SLC44A4: variants seen among roughly 807,000 people sequenced by gnomAD.
SLC44A4 encodes the protein solute carrier family 44 member 4, also known as choline transporter-like protein 4.
A neutral mutation model predicts 97.0 loss-of-function variants in SLC44A4; 74 were observed. That is an observed-to-expected ratio of 0.76 (90% confidence interval 0.63 to 0.93). The LOEUF is 0.93. Among genes scored for constraint, SLC44A4 ranks in the 40% least tolerant of loss-of-function variants. The probability of loss-of-function intolerance (pLI) is 0.00; values close to 1 mark genes in which losing one functional copy is unlikely to be tolerated. For synonymous variants in SLC44A4, 325 were observed against 363.8 expected (o/e 0.89, Z 1.21); for missense variants, 799 against 902.9 (o/e 0.88, Z 1.48).
Position 31,863,757 on chromosome 6 carries a change from C to T in SLC44A4, c.2012-9G>A, listed in dbSNP as rs1488387146. On this transcript the variant is annotated splice_polypyrimidine_tract_variant and intron_variant, in intron 20 of 20. Transcript: ENST00000229729. Reference sequence around the variant, plus strand: ...CCGCTCCAGGTCTTCCACTGAGCCGCAACAGAGACCGGTTAGAGCGGACCC... The same window carrying T: ...CCGCTCCAGGTCTTCCACTGAGCCGTAACAGAGACCGGTTAGAGCGGACCC... The T allele has an allele frequency of 6.2e-7, 1 of 1,612,284 alleles. No individual in the cohort carries two copies. Among genetic ancestry groups the T allele is most frequent in the African/African-American group, 1.3e-5 (1 of 74,848 alleles).
Position 31,871,326 on chromosome 6 carries a change from T to A in SLC44A4, c.689A>T (p.Tyr230Phe), listed in dbSNP as rs140850561. ...KIFEDFAQSWYWILVALGVAL... is the reference protein window; with the variant it reads ...KIFEDFAQSWFWILVALGVAL... ...TCTGGTGACTCACACAAGAATCCAA[T>A]ACCAGGACTGGGCAAAATCTTCAAA... is the stretch of plus-strand genomic sequence containing the variant. The change falls in exon 9 of 21, where the codon TAT becomes TTT. Residue 230 changes from tyrosine to phenylalanine, a missense_variant. Tyr to Phe is a conservative substitution (Grantham distance 22, BLOSUM62 3). Transcript: ENST00000229729. 5.7e-5 allele frequency: 92 copies of A among 1,613,884 alleles called. No homozygotes were observed. In the African/African-American group the frequency reaches 1.1e-3, roughly 20 times the overall value.
In SLC44A4 at chr6:31,865,972, C is replaced by T. The variant is rs764044578; in HGVS notation, c.1388G>A (p.Cys463Tyr). 1.9e-6 allele frequency: 3 copies of T among 1,614,246 alleles called. No homozygotes were observed. In the Admixed American group the frequency reaches 5.0e-5, roughly 27 times the overall value. ...TLNWVLALGQ[C>Y]VLAGAFASFY... is the part of the protein sequence containing the mutation. ...GGAGGCAAAGGCTCCAGCGAGGACG[C>T]ATTGGCCCAGGGCCAGTACCCAGTT... is the stretch of plus-strand genomic sequence containing the variant. Residue 463 changes from cysteine to tyrosine, a missense_variant, in exon 14 of 21, where the codon TGC becomes TAC. By Grantham distance (194) the Cys-to-Tyr change is radical. Transcript: ENST00000229729. The surrounding 1 kb of genome is among the most constrained non-coding windows in gnomAD (Gnocchi z 5.2).
In SLC44A4 at chr6:31,869,172, T is replaced by C. The variant is rs781594628; in HGVS notation, c.1216A>G (p.Thr406Ala). The change falls in exon 13 of 21, where the codon ACA becomes GCA. Residue 406 changes from threonine (T) to alanine (A), a missense_variant. By Grantham distance (58) the Thr-to-Ala change is moderately conservative. Transcript: ENST00000229729. ...SPGCEKVPIN[T>A]SCNPTAHLVN... Reference sequence around the variant, plus strand: ...CCTCTTACCGTGGGGTTGCATGATGTATTTATTGGCACTTTCTCACAGCCG... The same window carrying C: ...CCTCTTACCGTGGGGTTGCATGATGCATTTATTGGCACTTTCTCACAGCCG... The C allele has an allele frequency of 6.8e-6, 11 of 1,609,288 alleles. No individual in the cohort carries two copies. The highest frequency in any genetic ancestry group is 1.7e-5 in the Admixed American group (1 of 59,536).
intron 13 of SLC44A4, among the ~76,000 whole-genome samples, chr6:31,867,856 C>T (rs1216279308): frequency 1.3e-5 from 2 of 150,026 alleles, no homozygotes; most frequent in Non-Finnish European, 3.0e-5. Flanking sequence ...GGAGTCTCGC[C>T]GCCCAGGCTG....
rs372164533 is a variant in SLC44A4 at position 31,876,142 on chromosome 6, C to T, written c.90-13G>A. On this transcript the variant is annotated splice_polypyrimidine_tract_variant and intron_variant, in intron 2 of 20. Transcript: ENST00000229729. This position sits in a 1 kb window ranked among gnomAD's most constrained non-coding sequence, Gnocchi z 4.8. ...ATCTGTGCAGCTTCTGAGAGAGAAA[C>T]GAAACGGGAGGCTGAGCTAAGGAGA... The T allele has an allele frequency of 3.5e-5, 57 of 1,608,878 alleles. No homozygotes were observed. The African/African-American group carries it at 4.0e-4, about 11-fold the overall frequency.
At chr6:31,871,210 C>T in intron 9 of SLC44A4, 104 bp downstream of exon 9, 1 of 1,340,120 alleles carries the variant, frequency 7.5e-7, no homozygotes, top group Non-Finnish European at 1.1e-6. Flanking sequence ...GCTCTGGCTC[C>T]TCCTCCTCTG....
At chr6:31,870,285 G>A (rs1009454403) in intron 11 of SLC44A4, among the ~76,000 whole-genome samples, 1 of 152,066 alleles carries the variant, frequency 6.6e-6, no homozygotes, top group Non-Finnish European at 1.5e-5. Context: ...GTTCCTGATC[G>A]GGAGCAAGCT....
chr6:31,872,480 C>T (rs1244918157), intron 7 of SLC44A4, among the ~76,000 whole-genome samples: 1 of 152,098 alleles, frequency 6.6e-6, no homozygotes, highest in East Asian at 1.9e-4. Context: ...AAGCAATCCT[C>T]CCACCTCAGC....
At position 31,870,830 on chromosome 6, in the gene SLC44A4, C is replaced by T. The variant is rs1276892548; in HGVS notation, c.919G>A (p.Glu307Lys). Residue 307 changes from glutamate (E) to lysine (K), a missense_variant, in exon 10 of 21, where the codon GAG (glutamate) becomes AAG (lysine). Glu to Lys is a moderately conservative substitution (Grantham distance 56). This residue lies in a region of SLC44A4 where 409 missense variants were observed against 434.1 expected (regional missense o/e 0.94). Coordinates refer to ENST00000229729, the MANE Select transcript of SLC44A4 (RefSeq NM_025257.3). ...TNLSAYQSVQ[E>K]TWLAALIVLA... is the part of the protein sequence containing the mutation. Reference sequence around the variant, plus strand: ...CACTCACGGGCGGCCAGCCAGGTCTCCTGCACGCTCTGGTAGGCACTGAGG... The same window carrying T: ...CACTCACGGGCGGCCAGCCAGGTCTTCTGCACGCTCTGGTAGGCACTGAGG... 15 of 1,613,036 alleles carry T rather than the reference C, an allele frequency of 9.3e-6. No homozygotes were observed. Among genetic ancestry groups the T allele is most frequent in the Non-Finnish European group, 1.3e-5 (15 of 1,179,998 alleles).
At position 31,877,066 on chromosome 6, in the gene SLC44A4, G is replaced by A. The variant is rs1398487523; in HGVS notation, c.57C>T (p.Tyr19=). The A allele has an allele frequency of 8.1e-6, 13 of 1,610,194 alleles. No homozygotes were observed. Among genetic ancestry groups the A allele is most frequent in the East Asian group, 2.2e-5 (1 of 44,854 alleles). Residue 19 remains tyrosine, a synonymous_variant, in exon 2 of 21, where the codon TAC becomes TAT. Transcript: ENST00000229729. This position sits in a 1 kb window ranked among gnomAD's most constrained non-coding sequence, Gnocchi z 6.5. ...TGATGGGGCCTCGAAAGGAGGGGTC[G>A]TATTTGACTGGCTTCCCTGAGGGAC... ...DDEAYGKPVK[Y]DPSFRGPIKN... is the part of the protein sequence containing the mutation.
chr6:31,877,012 C>T lies in SLC44A4; in HGVS notation c.89+22G>A, dbSNP rs374911492. ...TGCACCCACCACCCCCGCCAGCCCCCGGAGCAGTGCCCAGAGCTCACCTGT... is the reference window on the plus strand; with the variant it reads ...TGCACCCACCACCCCCGCCAGCCCCTGGAGCAGTGCCCAGAGCTCACCTGT... On this transcript the variant is annotated intron_variant, in intron 2 of 20. Transcript: ENST00000229729. This position sits in a 1 kb window ranked among gnomAD's most constrained non-coding sequence, Gnocchi z 6.5. 3.5e-5 allele frequency: 56 copies of T among 1,603,494 alleles called. No individual in the cohort carries two copies. The highest frequency in any genetic ancestry group is 4.4e-5 in the Non-Finnish European group (52 of 1,176,134).
Position 31,878,970 on chromosome 6 carries a change from T to C in SLC44A4, c.11A>G (p.Lys4Arg). 1.2e-6 allele frequency: 2 copies of C among 1,613,704 alleles called. No homozygotes were observed. The highest frequency in any genetic ancestry group is 8.5e-7 in the Non-Finnish European group (1 of 1,179,928). The change falls in exon 1 of 21, where the codon AAG (lysine) becomes AGG (arginine). Residue 4 changes from lysine to arginine, a missense_variant. This residue lies in a region of SLC44A4 where 409 missense variants were observed against 434.1 expected (regional missense o/e 0.94). Coordinates refer to ENST00000229729, the MANE Select transcript of SLC44A4 (RefSeq NM_025257.3). The surrounding 1 kb of genome is among the most constrained non-coding windows in gnomAD (Gnocchi z 4.0). ...GGCCTCGTCATCCTCGTCCCGCTGC[T>C]TTCCCCCCATGGCTCAGTCTCCGGA... MGG[K>R]QRDEDDEAYG... is the part of the protein sequence containing the mutation.
At chr6:31,864,351 C>G in intron 20 of SLC44A4, 1 of 503,626 alleles carries the variant, frequency 2.0e-6, no homozygotes, top group South Asian at 2.4e-5. Flanking sequence ...GCTGGCATGA[C>G]AGGCGTGAGC....
At chr6:31,875,748 C>T in intron 4 of SLC44A4, 104 bp downstream of exon 4, 1 of 1,032,948 alleles carries the variant, frequency 9.7e-7, no homozygotes, top group Non-Finnish European at 1.4e-6. Flanking sequence ...CAGGGAAAGG[C>T]TGTGGAAGAG....
In SLC44A4 at chr6:31,875,890, C is replaced by G. The variant is rs773215154; in HGVS notation, c.204G>C (p.Arg68Ser). Reference sequence around the variant, plus strand: ...TGCCACAGTAGGCCCCAGTAGAGTTCCTGGGGTAGAGGACTTGCCGGGGGT... The same window carrying G: ...TGCCACAGTAGGCCCCAGTAGAGTTGCTGGGGTAGAGGACTTGCCGGGGGT... ...YGDPRQVLYP[R>S]NSTGAYCGMG... The change falls in exon 4 of 21, where the codon AGG (arginine) becomes AGC (serine). Residue 68 changes from arginine to serine, a missense_variant. This residue lies in a region of SLC44A4 where 409 missense variants were observed against 434.1 expected (regional missense o/e 0.94). Transcript: ENST00000229729. 28 of 1,613,474 alleles carry G rather than the reference C, an allele frequency of 1.7e-5. No individual in the cohort carries two copies. In the East Asian group the frequency reaches 6.2e-4, roughly 36 times the overall value.
At chr6:31,868,767 G>T (rs1762989658) in intron 13 of SLC44A4, among the ~76,000 whole-genome samples, 1 of 151,714 alleles carries the variant, frequency 6.6e-6, no homozygotes, top group Non-Finnish European at 1.5e-5. Flanking sequence ...CTGCACTCCA[G>T]CCTGGGCAAC....
rs758008624 is a variant in SLC44A4 at position 31,874,953 on chromosome 6, G to A, written c.318C>T (p.Asn106=). 43 of 1,613,598 alleles carry A rather than the reference G, an allele frequency of 2.7e-5. No homozygotes were observed. The highest frequency in any genetic ancestry group is 1.3e-4 in the South Asian group (12 of 91,086). Residue 106 remains asparagine (N), a synonymous_variant, in exon 5 of 21, where the codon AAC becomes AAT. Coordinates refer to ENST00000229729, the MANE Select transcript of SLC44A4 (RefSeq NM_025257.3). The surrounding 1 kb of genome is among the most constrained non-coding windows in gnomAD (Gnocchi z 4.8). ...LSSNIISVAE[N]GLQCPTPQVC... is the part of the protein sequence containing the mutation. ...CCTGGGGTGTGGGGCACTGTAGGCC[G>A]TTCTCAGCAACTGAGATGATGTTGC...
Position 31,871,005 on chromosome 6 carries a change from C to G in SLC44A4, c.744G>C (p.Leu248Phe). ...GGGGCCCAGCCACCAGGCGCAGAAGCAAGATAAACAGTAGGCTCAAGACCA... is the reference window on the plus strand; with the variant it reads ...GGGGCCCAGCCACCAGGCGCAGAAGGAAGATAAACAGTAGGCTCAAGACCA... Reference protein sequence around the residue: ...VALVLSLLFILLLRLVAGPLV... With the variant: ...VALVLSLLFIFLLRLVAGPLV... Residue 248 changes from leucine to phenylalanine, a missense_variant, in exon 10 of 21, where the codon TTG becomes TTC. Transcript: ENST00000229729. The G allele has an allele frequency of 6.2e-7, 1 of 1,612,350 alleles. No individual in the cohort carries two copies.
rs374954632 is a variant in SLC44A4 at position 31,878,959 on chromosome 6, C to T, written c.22G>A (p.Glu8Lys). The T allele has an allele frequency of 1.1e-4, 177 of 1,613,784 alleles. No homozygotes were observed. Among genetic ancestry groups the T allele is most frequent in the Non-Finnish European group, 1.4e-4 (160 of 1,179,962 alleles). ...GTCTCACCGTAGGCCTCGTCATCCT[C>T]GTCCCGCTGCTTTCCCCCCATGGCT... is the stretch of plus-strand genomic sequence containing the variant. Reference protein sequence around the residue: MGGKQRDEDDEAYGKPVK... With the variant: MGGKQRDKDDEAYGKPVK... The change falls in exon 1 of 21, where the codon GAG becomes AAG. Residue 8 changes from glutamate to lysine, a missense_variant. Transcript: ENST00000229729. The surrounding 1 kb of genome is among the most constrained non-coding windows in gnomAD (Gnocchi z 4.0).
Sources: allele counts gnomAD v4.1 joint callset (sites outside exome capture counted in the v4.1 genomes callset), GRCh38; gene constraint gnomAD v4.1.1; regional missense constraint gnomAD v4.1.1; non-coding constraint Gnocchi (gnomAD v3.1); transcripts MANE v1.5; gene names NCBI Gene and HGNC (gene_info 2026-07-23, HGNC 2026-07-21).